Variants in XIRP2 observed in about 807,000 individuals in gnomAD.
XIRP2 encodes xin actin binding repeat containing 2.
A neutral mutation model predicts 277.0 loss-of-function variants in XIRP2; 236 were observed. The ratio of observed to expected loss-of-function variants is 0.85; its 90% CI spans 0.77 to 0.95. The LOEUF (loss-of-function observed/expected upper bound fraction) is 0.95. Among genes scored for constraint, XIRP2 ranks in the 40% least tolerant of loss-of-function variants. The pLI is 0.00. For missense variants in XIRP2, 4,640 were observed against 4,157.5 expected, an observed-to-expected ratio of 1.12 and a Z score of -3.19; for synonymous variants, 1,490 against 1,416.5, an observed-to-expected ratio of 1.05 and a Z score of -1.17.
intron 3 of XIRP2, among the ~76,000 whole-genome samples, chr2:167,186,218 T>TG (rs1402286979): frequency 1.3e-5 from 2 of 152,210 alleles, no homozygotes; most frequent in African/African-American, 2.4e-5. Flanking sequence ...CTCCTGGCCC[T>TG]GAACACTCTT....
At chr2:166,904,418 C>T (rs1684465000) in intron 2 of XIRP2, among the ~76,000 whole-genome samples, 1 of 152,046 alleles carries the variant, frequency 6.6e-6, no homozygotes, top group South Asian at 2.1e-4. Context: ...TTACATGGAT[C>T]TTATGAAGAT....
intron 2 of XIRP2, among the ~76,000 whole-genome samples, chr2:167,084,605 G>T (rs1218807198): frequency 6.6e-6 from 1 of 151,808 alleles, no homozygotes; most frequent in Non-Finnish European, 1.5e-5. Context: ...ATTGATTATT[G>T]CCACAATTTC....
At position 167,243,251 on chromosome 2, in the gene XIRP2, T is replaced by G. The variant is rs1331357662; in HGVS notation, c.1859T>G (p.Met620Arg). The G allele has an allele frequency of 5.0e-6, 8 of 1,613,612 alleles. No individual in the cohort carries two copies. The highest frequency in any genetic ancestry group is 5.9e-6 in the Non-Finnish European group (7 of 1,179,808). ...AGGDVKYTTW[M>R]FETQPIDTLG... ...GGTGATGTGAAATATACCACATGGA[T>G]GTTTGAAACCCAACCCATCGACACA... The change falls in exon 9 of 11, where the codon ATG becomes AGG. Residue 620 changes from methionine (M) to arginine (R), a missense_variant. Coordinates refer to ENST00000409195, the MANE Select transcript of XIRP2 (RefSeq NM_152381.6).
At chr2:167,232,098 G>A (rs532715034) in intron 5 of XIRP2, among the ~76,000 whole-genome samples, 1 of 152,064 alleles carries the variant, frequency 6.6e-6, no homozygotes, top group Non-Finnish European at 1.5e-5. Flanking sequence ...GCTTGAAACT[G>A]GGAGCTGTGA....
Position 167,240,704 on chromosome 2 carries a change from CA to C in XIRP2, c.1011del (p.Ser338LeufsTer28), listed in dbSNP as rs1695040340. ...AAGCACACCGAGGAAGTAAACCAAG[CA>C]TCTCAGTTTCATCAATATGTTCAAG... Reference protein sequence around the residue: ...LEKHTEEVNQASQFHQYVQET... With the variant: ...LEKHTEEVNQXSQFHQYVQET... On this transcript the variant is annotated frameshift_variant, in exon 7 of 11. Transcript: ENST00000409195. LOFTEE classifies it high-confidence loss of function. 4.3e-6 allele frequency: 7 copies of C among 1,613,834 alleles called. No homozygotes were observed. The highest frequency in any genetic ancestry group is 5.9e-6 in the Non-Finnish European group (7 of 1,179,842).
intron 2 of XIRP2, among the ~76,000 whole-genome samples, chr2:166,913,144 T>C (rs1407953070): frequency 2.0e-5 from 3 of 152,114 alleles, no homozygotes; most frequent in Admixed American, 6.6e-5. Context: ...CAGACAGGGA[T>C]GTTTAAGTCT....
At chr2:166,938,476 C>A (rs1017737336) in intron 2 of XIRP2, among the ~76,000 whole-genome samples, 1 of 152,158 alleles carries the variant, frequency 6.6e-6, no homozygotes, top group Non-Finnish European at 1.5e-5. Context: ...ATTATAATTT[C>A]TGTTCTTTTA....
intron 2 of XIRP2, among the ~76,000 whole-genome samples, chr2:166,907,980 T>A (rs1684575472): frequency 1.3e-5 from 2 of 152,012 alleles, no homozygotes; most frequent in African/African-American, 4.8e-5. Flanking sequence ...TTCCATGGTG[T>A]ATATGTGCCA....
intron 2 of XIRP2, among the ~76,000 whole-genome samples, chr2:167,094,958 G>T (rs148589005): frequency 2.0e-5 from 3 of 152,144 alleles, no homozygotes; most frequent in Non-Finnish European, 4.4e-5. Context: ...ACTATGGAAT[G>T]TTTTTCCATT....
Position 167,089,928 on chromosome 2 carries a change from A to G in XIRP2, c.409-45981A>G, listed in dbSNP as rs574908706. Among the ~76,000 whole-genome samples, 6 of 152,292 alleles carry G rather than the reference A, an allele frequency of 3.9e-5. No homozygotes were observed. The South Asian group carries it at 1.2e-3, about 32-fold the overall frequency. On this transcript the variant is annotated intron_variant, in intron 2 of 10. Coordinates refer to ENST00000409195, the MANE Select transcript of XIRP2 (RefSeq NM_152381.6). The stretch of plus-strand genomic sequence containing the variant: ...TTTCCTATCTGGACCTTACGAGAAA[A>G]AAGAATTGCAGACATCTGGCATAGA...
At chr2:167,063,132 T>C (rs1446601897) in intron 2 of XIRP2, among the ~76,000 whole-genome samples, 1 of 151,992 alleles carries the variant, frequency 6.6e-6, no homozygotes, top group Non-Finnish European at 1.5e-5. Context: ...ACTATTATTT[T>C]TATTTTTGGT....
intron 2 of XIRP2, among the ~76,000 whole-genome samples, chr2:166,922,513 T>G (rs570467033): frequency 6.6e-5 from 10 of 152,100 alleles, no homozygotes; most frequent in Non-Finnish European, 1.3e-4. Flanking sequence ...TAAAAGATTT[T>G]TTTTTTGGCT....
chr2:166,979,514 GT>G lies in XIRP2; in HGVS notation c.408+75634del, dbSNP rs532982409. Among the ~76,000 whole-genome samples, 49 of 143,014 alleles carry G rather than the reference GT, an allele frequency of 3.4e-4. 1 individual carries two copies. The highest frequency in any genetic ancestry group is 7.0e-4 in the Admixed American group (10 of 14,312). 93.8% of individuals were successfully genotyped at this position (143,014 alleles called of 152,430 possible). A position where few individuals can be genotyped will look rare whatever the true frequency, so the allele number is the denominator to read the frequency against. On this transcript the variant is annotated intron_variant, in intron 2 of 10. Coordinates refer to ENST00000409195, the MANE Select transcript of XIRP2 (RefSeq NM_152381.6). ...CATTAAGTAAGATGCTAAGAGTAGG[GT>G]TTTTTTTTTAGAGATACTATTTATC...
intron 2 of XIRP2, among the ~76,000 whole-genome samples, chr2:167,087,522 C>T (rs1249116661): frequency 2.6e-5 from 4 of 151,534 alleles, no homozygotes; most frequent in Admixed American, 6.6e-5. Context: ...TGGGCAATGG[C>T]GGGTGCCCCT....
chr2:167,133,077 G>T lies in XIRP2; in HGVS notation c.409-2832G>T, dbSNP rs144588934. Among the ~76,000 whole-genome samples the T allele has an allele frequency of 3.2e-3, 486 of 152,308 alleles. 5 individuals are homozygous for T. The highest frequency in any genetic ancestry group is 0.011 in the African/African-American group (463 of 41,576). ...AAACTTAGTCCTAGAAATGGCAAGTGACTTAATCAAGGCCACAAAGCTTAT... is the reference window on the plus strand; with the variant it reads ...AAACTTAGTCCTAGAAATGGCAAGTTACTTAATCAAGGCCACAAAGCTTAT... On this transcript the variant is annotated intron_variant, in intron 2 of 10. Coordinates refer to ENST00000409195, the MANE Select transcript of XIRP2 (RefSeq NM_152381.6).
intron 3 of XIRP2, among the ~76,000 whole-genome samples, chr2:167,201,188 G>GAGAGAGAA (rs1693679436): frequency 1.3e-5 from 1 of 79,506 alleles, no homozygotes; most frequent in Non-Finnish European, 2.3e-5. Context: ...AAGAGAGAGA[G>GAGAGAGAA]AGAAAGAAAG....
At chr2:167,178,255 A>G (rs1268081475) in intron 3 of XIRP2, among the ~76,000 whole-genome samples, 1 of 152,116 alleles carries the variant, frequency 6.6e-6, no homozygotes, top group Non-Finnish European at 1.5e-5. Flanking sequence ...GCTTTTTTAG[A>G]GAAGATGTTT....
chr2:166,964,348 G>T (rs1184939690), intron 2 of XIRP2, among the ~76,000 whole-genome samples: 2 of 151,740 alleles, frequency 1.3e-5, no homozygotes, highest in African/African-American at 4.8e-5. Context: ...ATCAGTAAAA[G>T]GTAAGAGGTT....
intron 3 of XIRP2, among the ~76,000 whole-genome samples, chr2:167,184,353 A>G (rs910622348): frequency 1.2e-4 from 18 of 152,186 alleles, no homozygotes; most frequent in African/African-American, 4.3e-4. Context: ...ATGAAAATGT[A>G]GGCTATTCCA....
Sources: allele counts gnomAD v4.1 joint callset (sites outside exome capture counted in the v4.1 genomes callset), GRCh38; gene constraint gnomAD v4.1.1; transcripts MANE v1.5; gene names NCBI Gene and HGNC (gene_info 2026-07-23, HGNC 2026-07-21).